Variants in PCDH9 observed in about 807,000 individuals in gnomAD.
The protein encoded by PCDH9 is protocadherin 9, also known as protocadherin-9.
A neutral mutation model predicts 70.6 loss-of-function variants in PCDH9; 24 were observed. The observed-to-expected ratio is 0.34, with a 90% confidence interval of 0.25 to 0.48. PCDH9 has a LOEUF of 0.48. Among genes scored for constraint, PCDH9 ranks in the 20% least tolerant of loss-of-function variants. PCDH9 has a pLI of 0.99. For missense variants in PCDH9, 1,281 were observed against 1,503.6 expected (o/e 0.85, Z 2.45); for synonymous variants, 562 against 558.5 (o/e 1.01, Z -0.09).
intron 2 of PCDH9, among the ~76,000 whole-genome samples, chr13:67,026,583 G>A (rs1316161861): frequency 6.6e-6 from 1 of 151,992 alleles, no homozygotes; most frequent in African/African-American, 2.4e-5. Flanking sequence ...GCAGGAGAAG[G>A]AAATAAAGGG....
intron 2 of PCDH9, among the ~76,000 whole-genome samples, chr13:67,067,771 A>G (rs188307781): frequency 1.6e-4 from 22 of 137,300 alleles, no homozygotes; most frequent in Non-Finnish European, 3.1e-4. Flanking sequence ...CATCGTGGGG[A>G]ATAGCGATGG....
intron 4 of PCDH9, among the ~76,000 whole-genome samples, chr13:66,494,229 T>G (rs2138541227): frequency 6.6e-6 from 1 of 152,244 alleles, no homozygotes; most frequent in African/African-American, 2.4e-5. Context: ...ATCAAAAGGA[T>G]TTTCTATGCT....
chr13:67,166,725 G>A lies in PCDH9; in HGVS notation c.3036+58680C>T, dbSNP rs59894116. 7.1e-3 allele frequency among the ~76,000 whole-genome samples: 1,075 copies of A among 152,208 alleles called. 14 individuals are homozygous for A. Among genetic ancestry groups the A allele is most frequent in the African/African-American group, 0.025 (1,021 of 41,544 alleles). ...TTACGGTGGTAGTAAGAGAAATAAA[G>A]TTCTTTCCATAGCAAAACGTATAAT... On this transcript the variant is annotated intron_variant, in intron 2 of 4. Transcript: ENST00000377865.
At chr13:66,870,285 T>G (rs144767276) in intron 3 of PCDH9, among the ~76,000 whole-genome samples, 2,685 of 152,280 alleles carry the variant, frequency 0.018, 37 homozygotes, top group Middle Eastern at 0.034. Flanking sequence ...GATCTCTATC[T>G]CTGTTTTGGT....
chr13:67,167,346 T>A (rs2088146567), intron 2 of PCDH9, among the ~76,000 whole-genome samples: 2 of 152,164 alleles, frequency 1.3e-5, no homozygotes, highest in South Asian at 2.1e-4. Flanking sequence ...AATAATGATA[T>A]CTATTTCATA....
intron 2 of PCDH9, among the ~76,000 whole-genome samples, chr13:66,987,663 T>C (rs889589864): frequency 3.3e-5 from 5 of 151,394 alleles, no homozygotes; most frequent in African/African-American, 7.3e-5. Flanking sequence ...ACTGTGATGG[T>C]ACAGCTTCAT....
At chr13:66,886,246 A>G (rs907658777) in intron 3 of PCDH9, among the ~76,000 whole-genome samples, 1 of 152,156 alleles carries the variant, frequency 6.6e-6, no homozygotes, top group Non-Finnish European at 1.5e-5. Context: ...TAACTGGCCA[A>G]TTTCCAAAAG....
chr13:66,662,284 C>T (rs1449071808), intron 3 of PCDH9, among the ~76,000 whole-genome samples: 1 of 151,852 alleles, frequency 6.6e-6, no homozygotes, highest in Non-Finnish European at 1.5e-5. Context: ...ACCAGCCTGA[C>T]CAACATGGAG....
intron 3 of PCDH9, among the ~76,000 whole-genome samples, chr13:66,713,966 C>T (rs747251686): frequency 2.0e-4 from 30 of 151,900 alleles, no homozygotes; most frequent in Non-Finnish European, 2.6e-4. Flanking sequence ...TGAACCCTAC[C>T]CATTTCTTGT....
rs192721146 is a variant in PCDH9 at position 66,487,392 on chromosome 13, A to G, written c.3340+143818T>C. 6.6e-5 allele frequency among the ~76,000 whole-genome samples: 10 copies of G among 152,302 alleles called. No homozygotes were observed. In the East Asian group the frequency reaches 1.7e-3, roughly 26 times the overall value. On this transcript the variant is annotated intron_variant, in intron 4 of 4. Coordinates refer to ENST00000377865, the MANE Select transcript of PCDH9 (RefSeq NM_203487.3). ...ATTCCCATTTTTTTAGGGAGGCTTA[A>G]TTTATAGATATTGACTTACTAAAAC... is the stretch of plus-strand genomic sequence containing the variant.
At chr13:66,802,067 C>G (rs1470288410) in intron 3 of PCDH9, among the ~76,000 whole-genome samples, 1 of 151,164 alleles carries the variant, frequency 6.6e-6, no homozygotes. Context: ...GGAAATATAA[C>G]TAAATGGCAA....
At chr13:67,127,037 C>T (rs1297296721) in intron 2 of PCDH9, among the ~76,000 whole-genome samples, 1 of 152,052 alleles carries the variant, frequency 6.6e-6, no homozygotes, top group East Asian at 1.9e-4. Flanking sequence ...AGGTGGGAAA[C>T]AATGGAAGTA....
At chr13:66,514,489 CAA>C (rs57990200) in intron 4 of PCDH9, among the ~76,000 whole-genome samples, 50 of 132,726 alleles carry the variant, frequency 3.8e-4, no homozygotes, top group African/African-American at 7.0e-4. Flanking sequence ...GGAGTGAATT[CAA>C]AAAAAAAAAA....
intron 2 of PCDH9, among the ~76,000 whole-genome samples, chr13:66,912,114 T>G (rs1475664230): frequency 6.6e-6 from 1 of 152,184 alleles, no homozygotes; most frequent in Non-Finnish European, 1.5e-5. Flanking sequence ...TTATTAAATT[T>G]CAAATATAAT....
intron 2 of PCDH9, among the ~76,000 whole-genome samples, chr13:66,985,240 A>T (rs1280965842): frequency 6.6e-6 from 1 of 152,080 alleles, no homozygotes; most frequent in Admixed American, 6.6e-5. Context: ...CTTCTTTACT[A>T]CAGTGCCAAG....
chr13:66,856,197 T>C (rs1192924214), intron 3 of PCDH9, among the ~76,000 whole-genome samples: 1 of 152,002 alleles, frequency 6.6e-6, no homozygotes, highest in Non-Finnish European at 1.5e-5. Flanking sequence ...TCTCACACAT[T>C]GAGGCAGGTT....
At chr13:66,544,544 T>G (rs1376122720) in intron 4 of PCDH9, among the ~76,000 whole-genome samples, 2 of 152,200 alleles carry the variant, frequency 1.3e-5, no homozygotes, top group Non-Finnish European at 2.9e-5. Flanking sequence ...TGAATGATAT[T>G]GCTTCTAGTA....
chr13:66,539,746 G>A (rs74849091), intron 4 of PCDH9, among the ~76,000 whole-genome samples: 5 of 151,718 alleles, frequency 3.3e-5, no homozygotes, highest in African/African-American at 4.8e-5. Context: ...AACACAAAAA[G>A]CTTAACATTT....
intron 4 of PCDH9, among the ~76,000 whole-genome samples, chr13:66,565,038 A>G (rs946837452): frequency 2.6e-5 from 4 of 152,040 alleles, no homozygotes; most frequent in Non-Finnish European, 5.9e-5. Context: ...AAATGTGTAC[A>G]TATTCTTTTA....
Sources: allele counts gnomAD v4.1 joint callset (sites outside exome capture counted in the v4.1 genomes callset), GRCh38; gene constraint gnomAD v4.1.1; transcripts MANE v1.5; gene names NCBI Gene and HGNC (gene_info 2026-07-23, HGNC 2026-07-21).